Variants in ZNF230 observed in about 807,000 individuals in gnomAD.
ZNF230 encodes zinc finger protein 230, also known as zinc finger protein FDZF2.
ZNF230 carries 12 observed loss-of-function variants against 10.0 expected under a neutral mutation model. The ratio of observed to expected loss-of-function variants is 1.20; its 90% CI spans 0.77 to 1.95. The LOEUF is 1.95. Among genes scored for constraint, ZNF230 ranks in the 30% most tolerant of loss-of-function variants. ZNF230 has a pLI of 0.00. For missense variants in ZNF230, 532 were observed against 565.8 expected (o/e 0.94, Z 0.61); for synonymous variants, 174 against 193.6 (o/e 0.90, Z 0.84).
chr19:44,008,159 A>T (rs556829057), intron 2 of ZNF230, among the ~76,000 whole-genome samples: 15 of 152,286 alleles, frequency 9.8e-5, no homozygotes, highest in African/African-American at 3.6e-4. Flanking sequence ...CTCAGGGGTA[A>T]CATGACTTAC....
rs1976148710 is a variant in ZNF230 at position 44,009,094 on chromosome 19, A to G, written c.153A>G (p.Pro51=). 1.2e-6 allele frequency: 2 copies of G among 1,614,208 alleles called. No individual in the cohort carries two copies. Among genetic ancestry groups the G allele is most frequent in the Non-Finnish European group, 1.7e-6 (2 of 1,180,020 alleles). ...FTNLLSVGHQ[P]FHPFHFLREE... is the part of the protein sequence containing the mutation. ...TTTGCATGTTCACAGGGCATCAACCATTCCACCCTTTCCACTTCCTAAGGG... is the reference window on the plus strand; with the variant it reads ...TTTGCATGTTCACAGGGCATCAACCGTTCCACCCTTTCCACTTCCTAAGGG... The change falls in exon 4 of 5, where the codon CCA becomes CCG. Residue 51 remains proline (P), a synonymous_variant. Coordinates refer to ENST00000429154, the MANE Select transcript of ZNF230 (RefSeq NM_006300.4).
At position 44,011,430 on chromosome 19, in the gene ZNF230, A is replaced by G. The variant is rs991735422; in HGVS notation, c.1391A>G (p.Asp464Gly). 8.8e-6 allele frequency: 14 copies of G among 1,597,288 alleles called. No homozygotes were observed. Among genetic ancestry groups the G allele is most frequent in the Admixed American group, 1.8e-5 (1 of 56,044 alleles). Reference protein sequence around the residue: ...GKRYKRRLNLDIILSLFLNDM With the variant: ...GKRYKRRLNLGIILSLFLNDM ...CGCTACAAGAGGCGCTTGAATCTGG[A>G]TATAATTTTATCATTATTTTTAAAT... The change falls in exon 5 of 5, where the codon GAT becomes GGT. Residue 464 changes from aspartate to glycine, a missense_variant. By Grantham distance (94) the Asp-to-Gly change is moderately conservative. Transcript: ENST00000429154.
chr19:44,011,083 C>T lies in ZNF230; in HGVS notation c.1044C>T (p.Ser348=), dbSNP rs778236001. 9 of 1,613,934 alleles carry T rather than the reference C, an allele frequency of 5.6e-6. No homozygotes were observed. The African/African-American group carries it at 1.1e-4, about 19-fold the overall frequency. ...CKECGKSFRW[S]SYLLIHQRIH... Reference sequence around the variant, plus strand: ...AATGTGGGAAGAGCTTCAGATGGTCCTCATATCTTTTGATCCATCAGCGAA... The same window carrying T: ...AATGTGGGAAGAGCTTCAGATGGTCTTCATATCTTTTGATCCATCAGCGAA... The change falls in exon 5 of 5, where the codon TCC becomes TCT. Residue 348 remains serine (S), a synonymous_variant. Transcript: ENST00000429154.
At chr19:44,005,024 G>A (rs1976110412) in intron 1 of ZNF230, among the ~76,000 whole-genome samples, 1 of 151,324 alleles carries the variant, frequency 6.6e-6, no homozygotes, top group Non-Finnish European at 1.5e-5. Flanking sequence ...TCCAGAGGCT[G>A]AGGCAGGAGA....
At position 44,013,403 on chromosome 19, in the gene ZNF230, G is replaced by A. The variant is rs1976208497; in HGVS notation, c.*1939G>A. On this transcript the variant is annotated 3_prime_UTR_variant, in exon 5 of 5. Coordinates refer to ENST00000429154, the MANE Select transcript of ZNF230 (RefSeq NM_006300.4). ...GGCAGTAAAAATAAGTCTTTTGTAA[G>A]CAGTGTATATCAGAATGTATAAGGT... 1 of 152,114 alleles carries A rather than the reference G, an allele frequency of 6.6e-6. No homozygotes were observed. The highest frequency in any genetic ancestry group is 2.1e-4 in the South Asian group (1 of 4,832). The allele number at this position is 152,114 out of a possible 1,614,324, so 9.4% of individuals were successfully genotyped here. A position where few individuals can be genotyped will look rare whatever the true frequency, so the allele number is the denominator to read the frequency against.
At chr19:44,008,514 T>C (rs972347965) in intron 2 of ZNF230, among the ~76,000 whole-genome samples, 18 of 152,178 alleles carry the variant, frequency 1.2e-4, no homozygotes, top group East Asian at 1.2e-3. Flanking sequence ...GCAAAATTCA[T>C]TGAAACCTAT....
intron 1 of ZNF230, chr19:44,004,417 T>C (rs1350770664): frequency 1.3e-5 from 2 of 152,202 alleles, no homozygotes; most frequent in Admixed American, 6.5e-5. Flanking sequence ...TATAGAAAAT[T>C]TTAAATATTG....
At position 44,010,685 on chromosome 19, in the gene ZNF230, A is replaced by C; in HGVS notation, c.646A>C (p.Arg216=). 1 of 1,614,260 alleles carries C rather than the reference A, an allele frequency of 6.2e-7. No individual in the cohort carries two copies. Among genetic ancestry groups the C allele is most frequent in the South Asian group, 1.1e-5 (1 of 91,090 alleles). ...SQSSCLQTRE[R]VHTGEKPFKC... The stretch of plus-strand genomic sequence containing the variant: ...GAGCTCATGTCTGCAAACTCGTGAG[A>C]GAGTCCACACTGGAGAGAAACCATT... Residue 216 remains arginine, a synonymous_variant, in exon 5 of 5, where the codon AGA becomes CGA. Transcript: ENST00000429154.
chr19:44,011,516 A>T lies in ZNF230; in HGVS notation c.*52A>T. On this transcript the variant is annotated 3_prime_UTR_variant, in exon 5 of 5. Coordinates refer to ENST00000429154, the MANE Select transcript of ZNF230 (RefSeq NM_006300.4). ...TGAAATTTTAATATGTGTATATAAT[A>T]CGTAATGATCAAATTGATGTAATTA... The T allele has an allele frequency of 2.1e-6, 3 of 1,454,418 alleles. No homozygotes were observed. Among genetic ancestry groups the T allele is most frequent in the Non-Finnish European group, 2.8e-6 (3 of 1,078,520 alleles). The allele number at this position is 1,454,418 out of a possible 1,614,324, so 90.1% of individuals were successfully genotyped here.
chr19:44,005,280 C>A (rs2147422364), intron 1 of ZNF230, among the ~76,000 whole-genome samples: 1 of 152,100 alleles, frequency 6.6e-6, no homozygotes, highest in South Asian at 2.1e-4. Context: ...TGTTGATGAC[C>A]ATCAGCCAAA....
chr19:44,008,855 T>C lies in ZNF230; in HGVS notation c.81T>C (p.Pro27=). The C allele has an allele frequency of 6.2e-7, 1 of 1,614,116 alleles. No individual in the cohort carries two copies. Among genetic ancestry groups the C allele is most frequent in the Non-Finnish European group, 8.5e-7 (1 of 1,180,002 alleles). Residue 27 remains proline (P), a synonymous_variant, in exon 3 of 5, where the codon CCT becomes CCC. Transcript: ENST00000429154. ...FTEEELGLLD[P]AQRKLYQDVM... is the part of the protein sequence containing the mutation. ...AGGAGGAACTGGGGCTACTGGACCC[T>C]GCCCAGAGGAAGCTGTACCAAGACG...
Position 44,010,414 on chromosome 19 carries a change from G to A in ZNF230, c.375G>A (p.Gln125=). 1.2e-6 allele frequency: 2 copies of A among 1,614,226 alleles called. No homozygotes were observed. Among genetic ancestry groups the A allele is most frequent in the East Asian group, 4.5e-5 (2 of 44,890 alleles). ...TTGAACAAGGTGATGTCCCCTCCCA[G>A]GTTGAGGCAGGACTATCTATAATTC... ...HFFEQGDVPS[Q]VEAGLSIIHT... is the part of the protein sequence containing the mutation. Residue 125 remains glutamine, a synonymous_variant, in exon 5 of 5, where the codon CAG becomes CAA. Coordinates refer to ENST00000429154, the MANE Select transcript of ZNF230 (RefSeq NM_006300.4).
rs561037852 is a variant in ZNF230, at chr19:44,010,933, T to C, written c.894T>C (p.His298=). Reference sequence around the variant, plus strand: ...GCCTTAGGTCAAGTCTTAATAGGCATTGCATGGTCCACACAGCAGAGAAAC... The same window carrying C: ...GCCTTAGGTCAAGTCTTAATAGGCACTGCATGGTCCACACAGCAGAGAAAC... ...SFCLRSSLNR[H]CMVHTAEKLY... is the part of the protein sequence containing the mutation. Residue 298 remains histidine, a synonymous_variant, in exon 5 of 5, where the codon CAT becomes CAC. Transcript: ENST00000429154. 5.6e-6 allele frequency: 9 copies of C among 1,614,176 alleles called. No homozygotes were observed. In the African/African-American group the frequency reaches 9.3e-5, roughly 17 times the overall value.
In ZNF230 at chr19:44,012,541, C is replaced by T; in HGVS notation, c.*1077C>T. 2.0e-6 allele frequency: 1 copy of T among 505,068 alleles called. No homozygotes were observed. The highest frequency in any genetic ancestry group is 5.5e-5 in the East Asian group (1 of 18,128). 31.3% of individuals were successfully genotyped at this position (505,068 alleles called of 1,614,324 possible). A position where few individuals can be genotyped will look rare whatever the true frequency, so the allele number is the denominator to read the frequency against. On this transcript the variant is annotated 3_prime_UTR_variant, in exon 5 of 5. Transcript: ENST00000429154. ...AGTAGGGTTGCAAACAGAACTTACGCTTGTCATTCAGGAGACAGGCCTTAG... is the reference window on the plus strand; with the variant it reads ...AGTAGGGTTGCAAACAGAACTTACGTTTGTCATTCAGGAGACAGGCCTTAG...
In ZNF230 at chr19:44,012,440, T is replaced by C. The variant is rs574751331; in HGVS notation, c.*976T>C. On this transcript the variant is annotated 3_prime_UTR_variant, in exon 5 of 5. Coordinates refer to ENST00000429154, the MANE Select transcript of ZNF230 (RefSeq NM_006300.4). The stretch of plus-strand genomic sequence containing the variant: ...ACAGAAAACATTTGTTTAAGTTAAA[T>C]TCAGTGTTTCACCATAGCTCAGCAT... 1.2e-5 allele frequency: 6 copies of C among 519,060 alleles called. No homozygotes were observed. Among genetic ancestry groups the C allele is most frequent in the South Asian group, 8.4e-5 (6 of 71,594 alleles). The allele number at this position is 519,060 out of a possible 1,614,324, so 32.2% of individuals were successfully genotyped here.
At chr19:44,006,804 T>G (rs748940004) in intron 1 of ZNF230, 39 of 313,322 alleles carry the variant, frequency 1.2e-4, no homozygotes, top group Non-Finnish European at 2.0e-4. Flanking sequence ...ACTTCATTCC[T>G]TTTAATTTCC....
In ZNF230 at chr19:44,010,818, C is replaced by T. The variant is rs1976172994; in HGVS notation, c.779C>T (p.Ala260Val). The part of the protein sequence containing the change: ...KPYICEKCGR[A>V]FIHDFQLQKH... ...TATATTTGTGAGAAATGTGGGAGGG[C>T]CTTCATTCACGATTTCCAGCTTCAG... The change falls in exon 5 of 5, where the codon GCC becomes GTC. Residue 260 changes from alanine (A) to valine (V), a missense_variant. Coordinates refer to ENST00000429154, the MANE Select transcript of ZNF230 (RefSeq NM_006300.4). 4 of 1,614,112 alleles carry T rather than the reference C, an allele frequency of 2.5e-6. No individual in the cohort carries two copies. The East Asian group carries it at 6.7e-5, about 27-fold the overall frequency.
chr19:44,009,558 G>A (rs1201195204), intron 4 of ZNF230, among the ~76,000 whole-genome samples: 1 of 152,112 alleles, frequency 6.6e-6, no homozygotes, highest in Non-Finnish European at 1.5e-5. Context: ...TGTCCTCCCT[G>A]CTGTTACTCT....
At chr19:44,006,060 T>TA (rs398121015) in intron 1 of ZNF230, among the ~76,000 whole-genome samples, 4,958 of 151,966 alleles carry the variant, frequency 0.033, 268 homozygotes, top group African/African-American at 0.11. Flanking sequence ...GTTTTTTTTT[T>TA]AATAGGAAAG....
Sources: gnomAD v4.1 joint callset for allele counts (sites outside exome capture counted in the v4.1 genomes callset) on GRCh38, gnomAD v4.1.1 for gene constraint, MANE v1.5 for transcripts, NCBI Gene and HGNC (gene_info 2026-07-23, HGNC 2026-07-21) for gene names.